The following KCNMA1 variants were observed in gnomAD, a reference collection of about 807,000 sequenced individuals.
The protein encoded by KCNMA1 is Calcium-activated potassium channel subunit alpha-1.
In KCNMA1, 29 loss-of-function variants were observed where a neutral mutation model predicts 140.0. The observed-to-expected ratio is 0.21, with a 90% CI of 0.15 to 0.28. The LOEUF is 0.28. Ranked by LOEUF, KCNMA1 falls within the 10% of genes least tolerant of loss-of-function variation. KCNMA1 has a pLI of 1.00. For missense variants in KCNMA1, 880 were observed against 1,602.2 expected (o/e 0.55, Z 7.70); for synonymous variants, 612 against 611.9 (o/e 1.00, Z 0.00).
intron 2 of KCNMA1, among the ~76,000 whole-genome samples, chr10:77,386,552 A>G (rs983851004): frequency 6.6e-6 from 1 of 152,254 alleles, no homozygotes; most frequent in African/African-American, 2.4e-5. Context: ...CTGATACCAC[A>G]GTGAAACAGA....
intron 1 of KCNMA1, among the ~76,000 whole-genome samples, chr10:77,620,663 T>C (rs1389331575): frequency 6.6e-6 from 1 of 152,094 alleles, no homozygotes; most frequent in African/African-American, 2.4e-5. Context: ...TAACCCCACA[T>C]CCCCAGTGGG....
intron 1 of KCNMA1, among the ~76,000 whole-genome samples, chr10:77,547,302 C>T (rs980576605): frequency 1.3e-5 from 2 of 152,196 alleles, no homozygotes; most frequent in African/African-American, 2.4e-5. Flanking sequence ...GGGCTGCAAT[C>T]CCGACCATGG....
intron 2 of KCNMA1, among the ~76,000 whole-genome samples, chr10:77,305,389 T>C (rs2077450023): frequency 6.6e-6 from 1 of 152,214 alleles, no homozygotes; most frequent in Admixed American, 6.5e-5. Flanking sequence ...GGCATGGGTC[T>C]CAACTTATAG....
In KCNMA1 at chr10:76,887,313, T is replaced by A; in HGVS notation, c.3664A>T (p.Arg1222Trp). The A allele has an allele frequency of 1.2e-6, 2 of 1,614,108 alleles. No homozygotes were observed. Among genetic ancestry groups the A allele is most frequent in the Non-Finnish European group, 1.7e-6 (2 of 1,179,984 alleles). Residue 1222 changes from arginine to tryptophan, a missense_variant, in exon 28 of 28, where the codon AGG becomes TGG. Transcript: ENST00000286628. ...TACTTCTGTTTGTCCCGGGACTCCC[T>A]GGACTTGGGCCGGTTCTGTCGGTTT... Reference protein sequence around the residue: ...TANRQNRPKSRESRDKQKYVQ... With the variant: ...TANRQNRPKSWESRDKQKYVQ...
At chr10:76,920,020 G>GTATATGTATATATATATATATATATA (rs1554921803) in intron 23 of KCNMA1, among the ~76,000 whole-genome samples, 14 of 34,434 alleles carry the variant, frequency 4.1e-4, no homozygotes, top group Non-Finnish European at 6.4e-4. Flanking sequence ...GTGTGTGTGT[G>GTATATGTATATATATATATATATATA]TATATATATA....
At chr10:77,520,787 G>A (rs981354614) in intron 1 of KCNMA1, among the ~76,000 whole-genome samples, 2 of 152,086 alleles carry the variant, frequency 1.3e-5, no homozygotes, top group Non-Finnish European at 2.9e-5. Flanking sequence ...GTCCACCACT[G>A]TCTCCATTTT....
rs545073914 is a variant in KCNMA1, at chr10:77,110,161, A to AT, written c.1131+11dup. ...CATCAAAATCAACATCATAATAAAGATTTTTTTTTACCAGTCCCCCGAGGA... is the reference window on the plus strand; with the variant it reads ...CATCAAAATCAACATCATAATAAAGATTTTTTTTTTACCAGTCCCCCGAGGA... On this transcript the variant is annotated intron_variant, in intron 8 of 27. Transcript: ENST00000286628. 322 of 1,600,664 alleles carry AT rather than the reference A, an allele frequency of 2.0e-4. No homozygotes were observed. The East Asian group carries it at 2.1e-3, about 10-fold the overall frequency.
chr10:77,582,773 G>A (rs1383778489), intron 1 of KCNMA1, among the ~76,000 whole-genome samples: 1 of 152,256 alleles, frequency 6.6e-6, no homozygotes, highest in African/African-American at 2.4e-5. Flanking sequence ...TGACCTTGGT[G>A]GTGGAGGCCT....
chr10:77,282,867 T>C (rs2069183291), intron 2 of KCNMA1, among the ~76,000 whole-genome samples: 1 of 152,102 alleles, frequency 6.6e-6, no homozygotes, highest in Admixed American at 6.5e-5. Context: ...CAAAACAGAA[T>C]TTCTTTGCTA....
intron 1 of KCNMA1, among the ~76,000 whole-genome samples, chr10:77,593,430 A>T (rs113176538): frequency 2.6e-5 from 4 of 152,218 alleles, no homozygotes; most frequent in African/African-American, 9.6e-5. Context: ...GTGCAAGGTA[A>T]TTGCAGCTTT....
chr10:76,913,781 A>G, intron 24 of KCNMA1: 1 of 408,124 alleles, frequency 2.5e-6, no homozygotes, highest in Non-Finnish European at 4.4e-6. Context: ...CAGGCCAGAG[A>G]AAATGAATTA....
At chr10:77,351,252 C>G (rs2092840262) in intron 2 of KCNMA1, among the ~76,000 whole-genome samples, 1 of 152,130 alleles carries the variant, frequency 6.6e-6, no homozygotes, top group South Asian at 2.1e-4. Context: ...GGTCAAGGGA[C>G]AATGAAAATG....
chr10:76,993,138 G>A (rs550876486), intron 19 of KCNMA1, among the ~76,000 whole-genome samples: 25 of 152,324 alleles, frequency 1.6e-4, no homozygotes, highest in African/African-American at 5.8e-4. Flanking sequence ...TGTGTCTGCT[G>A]CTCAGCCTGA....
rs2094425035 is a variant in KCNMA1 at position 77,367,278 on chromosome 10, G to A, written c.540+36584C>T. Among the ~76,000 whole-genome samples the A allele has an allele frequency of 3.9e-5, 6 of 152,296 alleles. No homozygotes were observed. In the South Asian group the frequency reaches 1.2e-3, roughly 32 times the overall value. On this transcript the variant is annotated intron_variant, in intron 2 of 27. Transcript: ENST00000286628. ...CTGTAGGGTATGATCTGAGGGATATGGGAGATTTCAGGGGAAAGAGCTTAC... is the reference window on the plus strand; with the variant it reads ...CTGTAGGGTATGATCTGAGGGATATAGGAGATTTCAGGGGAAAGAGCTTAC...
At chr10:77,564,989 T>C (rs1435529611) in intron 1 of KCNMA1, among the ~76,000 whole-genome samples, 1 of 151,904 alleles carries the variant, frequency 6.6e-6, no homozygotes, top group Non-Finnish European at 1.5e-5. Flanking sequence ...GCTGGCAGAG[T>C]GGCCAGGAGG....
chr10:76,935,309 G>C (rs2060271717), intron 23 of KCNMA1, among the ~76,000 whole-genome samples: 1 of 152,242 alleles, frequency 6.6e-6, no homozygotes, highest in South Asian at 2.1e-4. Flanking sequence ...TTGAGTGTTT[G>C]TCCTGGGGGT....
At chr10:76,891,846 A>C (rs1020478173) in intron 25 of KCNMA1, 127 bp from the exon 26 acceptor site, 2 of 765,640 alleles carry the variant, frequency 2.6e-6, no homozygotes, top group African/African-American at 3.4e-5. Flanking sequence ...CTCTTCAAAT[A>C]ATTTCATGTG....
intron 2 of KCNMA1, among the ~76,000 whole-genome samples, chr10:77,380,543 G>A (rs2095346089): frequency 6.6e-6 from 1 of 152,058 alleles, no homozygotes; most frequent in Non-Finnish European, 1.5e-5. Flanking sequence ...GCCTTCCTTA[G>A]GAAGGAATTA....
At chr10:77,237,507 G>A (rs1257958582) in intron 3 of KCNMA1, among the ~76,000 whole-genome samples, 5 of 152,102 alleles carry the variant, frequency 3.3e-5, no homozygotes, top group Non-Finnish European at 5.9e-5. Context: ...CCTCAGGCTG[G>A]AACACAGTGG....
Sources: allele counts gnomAD v4.1 joint callset (sites outside exome capture counted in the v4.1 genomes callset), GRCh38; gene constraint gnomAD v4.1.1; transcripts MANE v1.5; gene names NCBI Gene and HGNC (gene_info 2026-07-23, HGNC 2026-07-21).